The following MYRIP variants were observed in gnomAD, a reference collection of about 807,000 sequenced individuals.
The protein encoded by MYRIP is myosin VIIA and Rab interacting protein, also known as rab effector MyRIP.
Under a neutral mutation model 98.0 loss-of-function variants are expected in MYRIP, and 49 were observed. The ratio of observed to expected loss-of-function variants is 0.50; its 90% CI spans 0.40 to 0.63. The LOEUF (loss-of-function observed/expected upper bound fraction) is 0.63, where lower values mean the gene tolerates loss of function less well. MYRIP is among the 30% of genes least tolerant of loss of function. MYRIP has a pLI of 0.00. For missense variants in MYRIP, 1,004 were observed against 1,058.2 expected (o/e 0.95, Z 0.71); for synonymous variants, 404 against 409.5 (o/e 0.99, Z 0.16).
intron 2 of MYRIP, among the ~76,000 whole-genome samples, chr3:39,935,277 G>A (rs557467301): frequency 6.6e-6 from 1 of 152,180 alleles, no homozygotes; most frequent in East Asian, 1.9e-4. Flanking sequence ...GGTGGGGAGG[G>A]TGACTGTCAG....
chr3:40,118,801 G>T (rs1254915903), intron 3 of MYRIP, among the ~76,000 whole-genome samples: 5 of 151,390 alleles, frequency 3.3e-5, no homozygotes. Context: ...CCCTTCCTGT[G>T]TCCATGTGTT....
chr3:39,976,217 A>T (rs1445732831), intron 2 of MYRIP, among the ~76,000 whole-genome samples: 1 of 152,226 alleles, frequency 6.6e-6, no homozygotes, highest in Non-Finnish European at 1.5e-5. Context: ...AAAAAACCCC[A>T]TCAACAAGTG....
chr3:39,831,706 A>G (rs1476441986), intron 1 of MYRIP, among the ~76,000 whole-genome samples: 1 of 152,236 alleles, frequency 6.6e-6, no homozygotes, highest in Non-Finnish European at 1.5e-5. Flanking sequence ...CATTCTACAT[A>G]TATTTACACA....
At chr3:40,148,049 G>A (rs1221626811) in intron 3 of MYRIP, among the ~76,000 whole-genome samples, 2 of 152,158 alleles carry the variant, frequency 1.3e-5, no homozygotes, top group Non-Finnish European at 2.9e-5. Flanking sequence ...ATGATGGTTT[G>A]GCTGAACATA....
intron 3 of MYRIP, among the ~76,000 whole-genome samples, chr3:40,058,377 A>G (rs1050138222): frequency 1.3e-5 from 2 of 152,198 alleles, no homozygotes; most frequent in African/African-American, 4.8e-5. Context: ...GTAGAAGACT[A>G]TAGCTTCAAG....
chr3:40,053,770 A>G (rs1006738244), intron 3 of MYRIP, among the ~76,000 whole-genome samples: 7 of 152,048 alleles, frequency 4.6e-5, no homozygotes, highest in Non-Finnish European at 7.4e-5. Context: ...CAGGCCCTGC[A>G]CCCTAGTTTA....
intron 3 of MYRIP, among the ~76,000 whole-genome samples, chr3:40,094,405 C>T (rs1948785472): frequency 6.6e-6 from 1 of 152,340 alleles, no homozygotes; most frequent in South Asian, 2.1e-4. Flanking sequence ...CATGGCACCT[C>T]CACGCCCTAA....
chr3:39,951,297 A>T (rs1575406855), intron 2 of MYRIP, among the ~76,000 whole-genome samples: 2 of 152,158 alleles, frequency 1.3e-5, no homozygotes, highest in East Asian at 3.9e-4. Flanking sequence ...AGAGCTTTTA[A>T]CAAACTACAC....
At chr3:39,865,605 C>G (rs1380041725) in intron 1 of MYRIP, among the ~76,000 whole-genome samples, 1 of 152,074 alleles carries the variant, frequency 6.6e-6, no homozygotes, top group Admixed American at 6.5e-5. Context: ...TAGAGAAATG[C>G]ACATCAAAAC....
intron 1 of MYRIP, among the ~76,000 whole-genome samples, chr3:39,861,729 G>A (rs1015291292): frequency 6.6e-6 from 1 of 151,992 alleles, no homozygotes; most frequent in Non-Finnish European, 1.5e-5. Context: ...AATCAACCAA[G>A]CTGAAGAAAG....
At chr3:39,985,703 G>A (rs1462663968) in intron 2 of MYRIP, among the ~76,000 whole-genome samples, 1 of 150,598 alleles carries the variant, frequency 6.6e-6, no homozygotes, top group Non-Finnish European at 1.5e-5. Context: ...AACAAGCAAT[G>A]GGGAAAGGAT....
intron 2 of MYRIP, among the ~76,000 whole-genome samples, chr3:40,006,345 C>T (rs1273558666): frequency 8.6e-5 from 13 of 152,026 alleles, no homozygotes; most frequent in South Asian, 2.1e-4. Context: ...GCCGAGACTG[C>T]GCCACTGTAC....
intron 10 of MYRIP, among the ~76,000 whole-genome samples, chr3:40,197,190 G>A (rs562967686): frequency 2.6e-5 from 4 of 152,066 alleles, no homozygotes; most frequent in Non-Finnish European, 5.9e-5. Context: ...TTCTCATAAC[G>A]AGTGCACAAG....
intron 11 of MYRIP, among the ~76,000 whole-genome samples, chr3:40,230,837 T>A (rs1404188040): frequency 6.6e-6 from 1 of 151,198 alleles, no homozygotes; most frequent in African/African-American, 2.4e-5. Flanking sequence ...TTTTTTTTTG[T>A]TTTTTTTAGG....
At chr3:40,136,144 A>G (rs1295533881) in intron 3 of MYRIP, among the ~76,000 whole-genome samples, 1 of 152,198 alleles carries the variant, frequency 6.6e-6, no homozygotes, top group Non-Finnish European at 1.5e-5. Flanking sequence ...AACCCATCTC[A>G]TGTGCGGAGA....
At chr3:39,955,170 G>C (rs543539697) in intron 2 of MYRIP, among the ~76,000 whole-genome samples, 12 of 152,228 alleles carry the variant, frequency 7.9e-5, no homozygotes, top group African/African-American at 2.9e-4. Context: ...AGGAAATACA[G>C]AGAATGCCAC....
chr3:39,910,995 T>G (rs931607058), intron 2 of MYRIP, among the ~76,000 whole-genome samples: 30 of 152,204 alleles, frequency 2.0e-4, no homozygotes, highest in African/African-American at 7.0e-4. Flanking sequence ...CTCTGAGTCA[T>G]GCCTCAGTGT....
rs75338546 is a variant in MYRIP, at chr3:39,960,813, T to C, written c.110+59887T>C. Reference sequence around the variant, plus strand: ...AAATGTGAGCTTACATAAGCCACTTTAGTTGGTTCTGGTTTTAAACAATTG... The same window carrying C: ...AAATGTGAGCTTACATAAGCCACTTCAGTTGGTTCTGGTTTTAAACAATTG... On this transcript the variant is annotated intron_variant, in intron 2 of 16. Transcript: ENST00000302541. Among the ~76,000 whole-genome samples, 1,383 of 152,290 alleles carry C rather than the reference T, an allele frequency of 9.1e-3. 19 individuals carry two copies. Among genetic ancestry groups the C allele is most frequent in the African/African-American group, 0.032 (1,311 of 41,576 alleles).
intron 12 of MYRIP, among the ~76,000 whole-genome samples, chr3:40,240,797 C>A (rs1952985768): frequency 6.6e-6 from 1 of 152,144 alleles, no homozygotes; most frequent in Admixed American, 6.5e-5. Context: ...ATTTTAAATT[C>A]TTGCTGTGAA....
Sources: allele counts gnomAD v4.1 joint callset (sites outside exome capture counted in the v4.1 genomes callset), GRCh38; gene constraint gnomAD v4.1.1; transcripts MANE v1.5; gene names NCBI Gene and HGNC (gene_info 2026-07-23, HGNC 2026-07-21).